The following YLPM1 variants were observed in gnomAD, a reference collection of about 807,000 sequenced individuals.
YLPM1 encodes the protein YLP motif containing 1.
A neutral mutation model predicts 230.0 loss-of-function variants in YLPM1; 99 were observed. The ratio of observed to expected loss-of-function variants is 0.43; its 90% CI spans 0.37 to 0.51. The LOEUF (loss-of-function observed/expected upper bound fraction) is 0.51. Ranked by LOEUF, YLPM1 falls within the 20% of genes least tolerant of loss-of-function variation. The pLI is 0.00. For missense variants in YLPM1, 2,592 were observed against 2,707.7 expected (o/e 0.96, Z 0.95); for synonymous variants, 984 against 942.5 (o/e 1.04, Z -0.81).
Position 74,764,023 on chromosome 14 carries a change from C to G in YLPM1, c.534C>G (p.Thr178=), listed in dbSNP as rs2090881814. 6.8e-6 allele frequency: 11 copies of G among 1,610,132 alleles called. No individual in the cohort carries two copies. The highest frequency in any genetic ancestry group is 1.3e-5 in the African/African-American group (1 of 74,078). ...PQPPPSYYPP[T]SSQPYLPPAQ... ...CGCCACCCTCTTACTACCCCCCGAC[C>G]TCATCTCAGCCCTACCTGCCTCCTG... Residue 178 remains threonine, a synonymous_variant, in exon 1 of 21, where the codon ACC becomes ACG. Coordinates refer to ENST00000325680, the MANE Select transcript of YLPM1 (RefSeq NM_019589.3).
chr14:74,783,477 G>T (rs1397079191), intron 4 of YLPM1, among the ~76,000 whole-genome samples: 1 of 152,126 alleles, frequency 6.6e-6, no homozygotes, highest in Admixed American at 6.5e-5. Flanking sequence ...ACAGAAAAGT[G>T]TAGAAAAAAG....
Position 74,782,066 on chromosome 14 carries a change from G to C in YLPM1, c.2023G>C (p.Val675Leu). 1 of 1,613,920 alleles carries C rather than the reference G, an allele frequency of 6.2e-7. No homozygotes were observed. The highest frequency in any genetic ancestry group is 8.5e-7 in the Non-Finnish European group (1 of 1,179,874). Residue 675 changes from valine to leucine, a missense_variant, in exon 4 of 21, where the codon GTG (valine) becomes CTG (leucine). Around this residue, in one of 4 missense-constraint regions of YLPM1, gnomAD observed 1,862 missense variants for 1,819.8 expected, o/e 1.02. Coordinates refer to ENST00000325680, the MANE Select transcript of YLPM1 (RefSeq NM_019589.3). Reference protein sequence around the residue: ...KPRPALLPTPVSFGSAPPTTY... With the variant: ...KPRPALLPTPLSFGSAPPTTY... ...TAGACCAGCACTGCTTCCTACTCCT[G>C]TGTCTTTTGGTTCTGCCCCACCGAC...
At chr14:74,791,653 T>G (rs8009800) in intron 4 of YLPM1, among the ~76,000 whole-genome samples, 1 of 152,262 alleles carries the variant, frequency 6.6e-6, no homozygotes, top group African/African-American at 2.4e-5. Context: ...GGGAATACTT[T>G]GGTTAGCAAG....
intron 4 of YLPM1, among the ~76,000 whole-genome samples, chr14:74,785,979 CT>C (rs977053275): frequency 6.6e-6 from 1 of 151,916 alleles, no homozygotes; most frequent in East Asian, 1.9e-4. Flanking sequence ...TTTCCAGGAC[CT>C]TTTTTTTCAC....
At chr14:74,797,484 C>A in intron 4 of YLPM1, 96 bp from the exon 5 acceptor site, 1 of 1,080,654 alleles carries the variant, frequency 9.3e-7, no homozygotes, top group Non-Finnish European at 1.3e-6. Context: ...TTGTTGTAAA[C>A]AAATTCTAAG....
In YLPM1 at chr14:74,809,965, C is replaced by A; in HGVS notation, c.4995C>A (p.Arg1665=). Residue 1665 remains arginine (R), a synonymous_variant, in exon 8 of 21, where the codon CGC becomes CGA. Coordinates refer to ENST00000325680, the MANE Select transcript of YLPM1 (RefSeq NM_019589.3). ...CTTATGGAGAAAGAATAACTCTACGCCCAGATCCACTACCTGAAAGATCAA... is the reference window on the plus strand; with the variant it reads ...CTTATGGAGAAAGAATAACTCTACGACCAGATCCACTACCTGAAAGATCAA... ...QIPYGERITL[R]PDPLPERSTF... is the part of the protein sequence containing the mutation. 6.2e-7 allele frequency: 1 copy of A among 1,609,216 alleles called. No homozygotes were observed. The highest frequency in any genetic ancestry group is 8.5e-7 in the Non-Finnish European group (1 of 1,177,476).
At chr14:74,790,970 A>G (rs939185823) in intron 4 of YLPM1, among the ~76,000 whole-genome samples, 2 of 152,178 alleles carry the variant, frequency 1.3e-5, no homozygotes, top group African/African-American at 4.8e-5. Context: ...AGACAGGTGC[A>G]GTGGCTCATG....
chr14:74,830,751 A>G (rs1470275382), intron 19 of YLPM1, among the ~76,000 whole-genome samples: 1 of 152,176 alleles, frequency 6.6e-6, no homozygotes, highest in African/African-American at 2.4e-5. Flanking sequence ...GTGGCGAGAG[A>G]GGAACCAAGG....
chr14:74,806,562 A>G lies in YLPM1; in HGVS notation c.4522-2818A>G, dbSNP rs560914424. On this transcript the variant is annotated intron_variant, in intron 6 of 20. Coordinates refer to ENST00000325680, the MANE Select transcript of YLPM1 (RefSeq NM_019589.3). The stretch of plus-strand genomic sequence containing the variant: ...AGCGCCACTGCGCTCCAGCCTGGGC[A>G]ACAAGAGTGAGACTCTGTCTCAAAA... Among the ~76,000 whole-genome samples, 6 of 152,362 alleles carry G rather than the reference A, an allele frequency of 3.9e-5. No homozygotes were observed. The East Asian group carries it at 1.2e-3, about 29-fold the overall frequency.
chr14:74,798,254 G>T lies in YLPM1; in HGVS notation c.2957G>T (p.Gly986Val). The change falls in exon 5 of 21, where the codon GGT (glycine) becomes GTT (valine). Residue 986 changes from glycine to valine, a missense_variant. Gly to Val is a moderately radical substitution (Grantham distance 109). Around this residue, in one of 4 missense-constraint regions of YLPM1, gnomAD observed 1,862 missense variants for 1,819.8 expected, o/e 1.02. Coordinates refer to ENST00000325680, the MANE Select transcript of YLPM1 (RefSeq NM_019589.3). Reference protein sequence around the residue: ...LTADNDFKPVGIGLPHSENNQ... With the variant: ...LTADNDFKPVVIGLPHSENNQ... ...GCAGATAATGATTTTAAACCTGTGG[G>T]TATTGGTCTACCCCATTCAGAAAAC... 6.2e-7 allele frequency: 1 copy of T among 1,613,924 alleles called. No individual in the cohort carries two copies. The highest frequency in any genetic ancestry group is 8.5e-7 in the Non-Finnish European group (1 of 1,179,886).
intron 1 of YLPM1, among the ~76,000 whole-genome samples, chr14:74,770,457 C>G (rs1350758037): frequency 1.3e-5 from 2 of 151,994 alleles, no homozygotes; most frequent in African/African-American, 4.8e-5. Context: ...AATTCTGTCT[C>G]TACTACAAAT....
At chr14:74,775,184 G>A (rs1336488934) in intron 1 of YLPM1, among the ~76,000 whole-genome samples, 1 of 152,184 alleles carries the variant, frequency 6.6e-6, no homozygotes, top group African/African-American at 2.4e-5. Flanking sequence ...ATTGGAACAA[G>A]TTTCAGGTAA....
chr14:74,803,735 T>C (rs2091350906), intron 6 of YLPM1, among the ~76,000 whole-genome samples: 1 of 151,046 alleles, frequency 6.6e-6, no homozygotes, highest in Non-Finnish European at 1.5e-5. Context: ...CCCTCCATCT[T>C]GCTCCATCTT....
At chr14:74,803,407 A>G (rs1488058088) in intron 6 of YLPM1, among the ~76,000 whole-genome samples, 1 of 152,240 alleles carries the variant, frequency 6.6e-6, no homozygotes, top group Non-Finnish European at 1.5e-5. Flanking sequence ...CATAATGAAG[A>G]AAACAGCTCT....
At chr14:74,830,066 A>G (rs1246920545) in intron 19 of YLPM1, among the ~76,000 whole-genome samples, 1 of 152,188 alleles carries the variant, frequency 6.6e-6, no homozygotes, top group Non-Finnish European at 1.5e-5. Context: ...GAGGTGTTTC[A>G]AGAAGGAAAG....
chr14:74,763,339 G>T lies in YLPM1; in HGVS notation c.-151G>T, dbSNP rs554136590. Reference sequence around the variant, plus strand: ...GCCTTCCCGGTCGCGGGCCCAGCTCGGGAGCGCCGGCGCACTGGCGCGCTC... The same window carrying T: ...GCCTTCCCGGTCGCGGGCCCAGCTCTGGAGCGCCGGCGCACTGGCGCGCTC... On this transcript the variant is annotated 5_prime_UTR_variant, in exon 1 of 21. Transcript: ENST00000325680. The T allele has an allele frequency of 4.8e-5, 45 of 945,864 alleles. No homozygotes were observed. The highest frequency in any genetic ancestry group is 6.4e-5 in the Non-Finnish European group (45 of 706,436). 58.6% of individuals were successfully genotyped at this position (945,864 alleles called of 1,614,324 possible).
At chr14:74,780,606 A>G in intron 3 of YLPM1, 22 bp downstream of exon 3, 1 of 1,567,030 alleles carries the variant, frequency 6.4e-7, no homozygotes, top group Non-Finnish European at 8.7e-7. Context: ...CATAGTCCAC[A>G]ATAGGAAGTT....
At chr14:74,804,885 T>A (rs573744582) in intron 6 of YLPM1, among the ~76,000 whole-genome samples, 2 of 152,358 alleles carry the variant, frequency 1.3e-5, no homozygotes, top group East Asian at 3.8e-4. Flanking sequence ...TATATTATTT[T>A]TTGATTTACA....
In YLPM1 at chr14:74,763,399, G is replaced by A. The variant is rs2090869010; in HGVS notation, c.-91G>A. The A allele has an allele frequency of 7.3e-7, 1 of 1,374,080 alleles. No homozygotes were observed. The highest frequency in any genetic ancestry group is 9.5e-7 in the Non-Finnish European group (1 of 1,056,006). The allele number at this position is 1,374,080 out of a possible 1,614,324, so 85.1% of individuals were successfully genotyped here. On this transcript the variant is annotated 5_prime_UTR_variant, in exon 1 of 21. Transcript: ENST00000325680. ...GCTCCGGGGCCTGTAGGCGCCGCGA[G>A]TTCCGGCTGTCGCCGTCGCCGCCGC...
Sources: allele counts gnomAD v4.1 joint callset (sites outside exome capture counted in the v4.1 genomes callset), GRCh38; gene constraint gnomAD v4.1.1; regional missense constraint gnomAD v4.1.1; transcripts MANE v1.5; gene names NCBI Gene and HGNC (gene_info 2026-07-23, HGNC 2026-07-21).